The following NHERF1 variants were observed in gnomAD, a reference collection of about 807,000 sequenced individuals.
The protein encoded by NHERF1 is Na(+)/H(+) exchange regulatory cofactor NHE-RF1.
chr17:74,759,127 G>A, the NHERF1 span, among the ~76,000 whole-genome samples: 1 of 152,212 alleles, frequency 6.6e-6, no homozygotes, highest in Non-Finnish European at 1.5e-5. Flanking sequence ...GGCTCTGCAG[G>A]TGCATCGGAG....
the NHERF1 span, chr17:74,767,062 C>A: frequency 7.5e-7 from 1 of 1,332,396 alleles, no homozygotes; most frequent in Non-Finnish European, 1.1e-6. Context: ...GTAGGATAGC[C>A]ATCTGACTAA....
At chr17:74,758,055 T>C in the NHERF1 span, among the ~76,000 whole-genome samples, 1 of 152,152 alleles carries the variant, frequency 6.6e-6, no homozygotes, top group South Asian at 2.1e-4. This position sits in a 1 kb window ranked among gnomAD's most constrained non-coding sequence, Gnocchi z 4.3. Context: ...AGGGAGGGGC[T>C]GGGCCCAATG....
At chr17:74,767,504 CTCAG>C in the NHERF1 span, among the ~76,000 whole-genome samples, 848 of 152,344 alleles carry the variant, frequency 5.6e-3, 4 homozygotes, top group Non-Finnish European at 9.4e-3. Context: ...GACAGGCCGA[CTCAG>C]TCAGGCCACA....
the NHERF1 span, chr17:74,749,131 G>A: frequency 6.4e-7 from 1 of 1,567,354 alleles, no homozygotes; most frequent in African/African-American, 1.3e-5. The surrounding 1 kb of genome is among the most constrained non-coding windows in gnomAD (Gnocchi z 5.6). Flanking sequence ...ACCCCGAGAC[G>A]GACGAGCAGC....
the NHERF1 span, among the ~76,000 whole-genome samples, chr17:74,761,413 C>T: frequency 6.6e-6 from 1 of 152,258 alleles, no homozygotes; most frequent in Non-Finnish European, 1.5e-5. This position sits in a 1 kb window ranked among gnomAD's most constrained non-coding sequence, Gnocchi z 4.3. Flanking sequence ...TCTGCTCCTT[C>T]TGGCTCCCTT....
the NHERF1 span, among the ~76,000 whole-genome samples, chr17:74,753,921 C>CG: frequency 6.6e-6 from 1 of 152,058 alleles, no homozygotes; most frequent in Non-Finnish European, 1.5e-5. Context: ...GAGGCCGAGG[C>CG]GGGTGGATCA....
chr17:74,766,144 A>T, the NHERF1 span, among the ~76,000 whole-genome samples: 1 of 152,230 alleles, frequency 6.6e-6, no homozygotes, highest in East Asian at 1.9e-4. Context: ...GCCTCATAAG[A>T]TCAATTTAGT....
the NHERF1 span, chr17:74,768,385 C>T: frequency 2.3e-5 from 35 of 1,513,606 alleles, no homozygotes; most frequent in South Asian, 3.3e-4. Context: ...ACGGCCCCAA[C>T]GGAGCCACCT....
chr17:74,763,480 CA>C, the NHERF1 span: 2 of 1,609,828 alleles, frequency 1.2e-6, no homozygotes, highest in Non-Finnish European at 1.7e-6. Context: ...ACGAGTTCTT[CA>C]AGAAATGCAG....
At chr17:74,761,982 A>C in the NHERF1 span, 1 of 1,612,642 alleles carries the variant, frequency 6.2e-7, no homozygotes, top group Non-Finnish European at 8.5e-7. The surrounding 1 kb of genome is among the most constrained non-coding windows in gnomAD (Gnocchi z 4.3). Context: ...GCACTGTGGA[A>C]TAGCCATGGA....
chr17:74,761,817 A>C, the NHERF1 span, among the ~76,000 whole-genome samples: 6 of 152,240 alleles, frequency 3.9e-5, no homozygotes, highest in Non-Finnish European at 8.8e-5. The surrounding 1 kb of genome is among the most constrained non-coding windows in gnomAD (Gnocchi z 4.3). Flanking sequence ...CTAAGCAGTT[A>C]GCTGCGGTGC....
chr17:74,766,818 T>C, the NHERF1 span: 29 of 990,504 alleles, frequency 2.9e-5, no homozygotes, highest in Non-Finnish European at 4.1e-5. Flanking sequence ...TCAAAAAAGT[T>C]TGAGATGTTG....
chr17:74,750,939 G>T, the NHERF1 span, among the ~76,000 whole-genome samples: 1 of 152,070 alleles, frequency 6.6e-6, no homozygotes. Flanking sequence ...TCAGATTCCT[G>T]CATGTTTTGG....
At chr17:74,761,456 A>G in the NHERF1 span, among the ~76,000 whole-genome samples, 1 of 152,088 alleles carries the variant, frequency 6.6e-6, no homozygotes, top group African/African-American at 2.4e-5. The surrounding 1 kb of genome is among the most constrained non-coding windows in gnomAD (Gnocchi z 4.3). Context: ...TGGGGGTGAG[A>G]GAGAGTTCGA....
chr17:74,749,337 C>T, the NHERF1 span: 19 of 1,464,642 alleles, frequency 1.3e-5, no homozygotes, highest in East Asian at 3.9e-4. The surrounding 1 kb of genome is among the most constrained non-coding windows in gnomAD (Gnocchi z 5.6). Context: ...GAGGAGGATC[C>T]GGAGAGACCC....
the NHERF1 span, among the ~76,000 whole-genome samples, chr17:74,758,740 C>T: frequency 6.6e-6 from 1 of 152,216 alleles, no homozygotes; most frequent in Non-Finnish European, 1.5e-5. This position sits in a 1 kb window ranked among gnomAD's most constrained non-coding sequence, Gnocchi z 4.3. Flanking sequence ...CCCATTTATC[C>T]CCTTTCCCCA....
At chr17:74,767,022 C>T in the NHERF1 span, 590 of 1,566,356 alleles carry the variant, frequency 3.8e-4, 2 homozygotes, top group African/African-American at 6.6e-3. Context: ...CCTTGGGGTG[C>T]ATGAGACAGA....
chr17:74,767,233 T>G, the NHERF1 span, among the ~76,000 whole-genome samples: 2 of 152,092 alleles, frequency 1.3e-5, no homozygotes, highest in Admixed American at 1.3e-4. Flanking sequence ...AGCCCCCGCC[T>G]CCAACTCCCC....
At chr17:74,762,012 C>T in the NHERF1 span, 32 of 1,613,888 alleles carry the variant, frequency 2.0e-5, no homozygotes, top group Non-Finnish European at 2.4e-5. This position sits in a 1 kb window ranked among gnomAD's most constrained non-coding sequence, Gnocchi z 4.2. Flanking sequence ...GTCCCTGCAG[C>T]GCGAGCTTCG....
Sources: allele counts gnomAD v4.1 joint callset (sites outside exome capture counted in the v4.1 genomes callset), GRCh38; gene constraint gnomAD v4.1.1; non-coding constraint Gnocchi (gnomAD v3.1); transcripts MANE v1.5; gene names NCBI Gene and HGNC (gene_info 2026-07-23, HGNC 2026-07-21).